Variants in P2RY12 observed in about 807,000 individuals in gnomAD.
P2RY12 encodes P2Y purinoceptor 12.
P2RY12 carries 3 observed loss-of-function variants against 4.5 expected under a neutral mutation model. That is an observed-to-expected ratio of 0.67 (90% CI 0.31 to 1.74). P2RY12 has a LOEUF of 1.74. Among genes scored for constraint, P2RY12 ranks in the 40% most tolerant of loss-of-function variants. P2RY12 has a pLI of 0.09. For synonymous variants in P2RY12, 148 were observed against 154.1 expected, an observed-to-expected ratio of 0.96 and a Z score of 0.29; for missense variants, 356 against 407.8, an observed-to-expected ratio of 0.87 and a Z score of 1.09.
At chr3:151,365,188 G>T in intron 1 of P2RY12, 4 of 1,613,884 alleles carry the variant, frequency 2.5e-6, no homozygotes, top group Non-Finnish European at 3.4e-6. Flanking sequence ...GTATGTATGG[G>T]CCATCAGGAT....
chr3:151,348,975 C>T (rs1021984571), intron 1 of P2RY12, among the ~76,000 whole-genome samples: 1 of 152,218 alleles, frequency 6.6e-6, no homozygotes, highest in African/African-American at 2.4e-5. Context: ...CTCATATAAG[C>T]TCCTTAGGAT....
chr3:151,382,649 A>C (rs755547880), intron 1 of P2RY12: 2 of 1,601,646 alleles, frequency 1.2e-6, no homozygotes, highest in South Asian at 2.3e-5. Context: ...TTTTTTCCGG[A>C]TCTTAGATTT....
chr3:151,355,449 TATG>T (rs1464259952), intron 1 of P2RY12, among the ~76,000 whole-genome samples: 20 of 152,358 alleles, frequency 1.3e-4, no homozygotes, highest in Admixed American at 1.1e-3. Flanking sequence ...TTTTTGTCCT[TATG>T]ATAATAATCG....
chr3:151,355,206 T>C (rs1473531438), intron 1 of P2RY12: 1 of 1,613,540 alleles, frequency 6.2e-7, no homozygotes, highest in South Asian at 1.1e-5. Flanking sequence ...TCCAGCTCCT[T>C]TCATATTTTG....
intron 1 of P2RY12, chr3:151,376,124 A>G: frequency 6.2e-7 from 1 of 1,611,436 alleles, no homozygotes; most frequent in Non-Finnish European, 8.5e-7. Context: ...AAGCACAGAA[A>G]TTACTGCAGC....
At chr3:151,362,545 C>T (rs771837269) in intron 1 of P2RY12, among the ~76,000 whole-genome samples, 4 of 152,024 alleles carry the variant, frequency 2.6e-5, no homozygotes, top group Non-Finnish European at 5.9e-5. Flanking sequence ...ATAGCACCCC[C>T]ATGTCATCAT....
chr3:151,369,555 A>T, intron 1 of P2RY12: 3 of 1,576,864 alleles, frequency 1.9e-6, no homozygotes, highest in Non-Finnish European at 2.6e-6. Flanking sequence ...GCTTGGTAAG[A>T]TTATTCTGAC....
intron 1 of P2RY12, chr3:151,376,144 AT>A (rs757491626): frequency 6.2e-7 from 1 of 1,610,756 alleles, no homozygotes; most frequent in South Asian, 1.1e-5. Context: ...CTTATCTGTT[AT>A]CCTCATGGCA....
At chr3:151,355,015 G>C in intron 1 of P2RY12, 1 of 764,318 alleles carries the variant, frequency 1.3e-6, no homozygotes, top group Non-Finnish European at 2.3e-6. Context: ...CATAGAATTT[G>C]TGCACTTTTC....
chr3:151,383,121 T>C (rs960146421), intron 1 of P2RY12, among the ~76,000 whole-genome samples: 1 of 152,258 alleles, frequency 6.6e-6, no homozygotes. Context: ...TGTCCAACTT[T>C]CCATCAAATT....
intron 1 of P2RY12, among the ~76,000 whole-genome samples, chr3:151,363,207 T>C (rs192353043): frequency 2.0e-5 from 3 of 152,234 alleles, no homozygotes; most frequent in African/African-American, 7.2e-5. Context: ...GTTTCCTCTA[T>C]TTGAAAAAAT....
At chr3:151,355,493 GTTAGGTTA>G (rs2150049581) in intron 1 of P2RY12, among the ~76,000 whole-genome samples, 1 of 152,234 alleles carries the variant, frequency 6.6e-6, no homozygotes, top group South Asian at 2.1e-4. Flanking sequence ...TAATGAAATA[GTTAGGTTA>G]TTAGAGTTTG....
chr3:151,347,699 G>A (rs1457835278), intron 1 of P2RY12, among the ~76,000 whole-genome samples: 1 of 152,272 alleles, frequency 6.6e-6, no homozygotes, highest in Admixed American at 6.5e-5. Context: ...GATGTGCAGA[G>A]GAGGAGGGGA....
Position 151,378,118 on chromosome 3 carries a change from G to A in P2RY12, c.-180+6574C>T. ...AGCCGCTGGGGAAGAGCTGGAGAAGGGACAGCACTTGGGTTCTTCTTCCAA... is the reference window on the plus strand; with the variant it reads ...AGCCGCTGGGGAAGAGCTGGAGAAGAGACAGCACTTGGGTTCTTCTTCCAA... On this transcript the variant is annotated intron_variant, in intron 1 of 2. Coordinates refer to ENST00000302632, the MANE Select transcript of P2RY12 (RefSeq NM_022788.5). The A allele has an allele frequency of 3.1e-6, 5 of 1,612,246 alleles. No individual in the cohort carries two copies. The highest frequency in any genetic ancestry group is 4.2e-6 in the Non-Finnish European group (5 of 1,178,874).
At chr3:151,362,804 G>A (rs1039354716) in intron 1 of P2RY12, among the ~76,000 whole-genome samples, 6 of 152,120 alleles carry the variant, frequency 3.9e-5, no homozygotes, top group African/African-American at 1.4e-4. Context: ...AAATGGGTTA[G>A]GTTTCAAAAT....
At chr3:151,367,914 T>C in intron 1 of P2RY12, 1 of 1,003,218 alleles carries the variant, frequency 1.0e-6, no homozygotes, top group Non-Finnish European at 1.5e-6. Context: ...AGAATTTTAA[T>C]AGTTATTTTA....
intron 1 of P2RY12, among the ~76,000 whole-genome samples, chr3:151,374,921 A>T (rs1276307540): frequency 6.6e-6 from 1 of 152,148 alleles, no homozygotes; most frequent in Non-Finnish European, 1.5e-5. Flanking sequence ...TATTTGTTTT[A>T]AAAGTTCTCT....
At chr3:151,383,857 A>G (rs1712848310) in intron 1 of P2RY12, 1 of 1,613,778 alleles carries the variant, frequency 6.2e-7, no homozygotes. Flanking sequence ...TCAGATCATT[A>G]CTTCAGGAAC....
At chr3:151,363,192 C>A (rs1754835972) in intron 1 of P2RY12, among the ~76,000 whole-genome samples, 2 of 151,980 alleles carry the variant, frequency 1.3e-5, no homozygotes, top group Non-Finnish European at 2.9e-5. Context: ...TTGGCACTGT[C>A]TAAAGTTTCC....
Sources: gnomAD v4.1 joint callset for allele counts (sites outside exome capture counted in the v4.1 genomes callset) on GRCh38, gnomAD v4.1.1 for gene constraint, MANE v1.5 for transcripts, NCBI Gene and HGNC (gene_info 2026-07-23, HGNC 2026-07-21) for gene names.